ARHGAP18: variants seen among roughly 807,000 people sequenced by gnomAD.
The protein encoded by ARHGAP18 is Rho GTPase activating protein 18, also known as rho GTPase-activating protein 18.
A neutral mutation model predicts 86.2 loss-of-function variants in ARHGAP18; 67 were observed. The observed-to-expected ratio is 0.78, with a 90% CI of 0.64 to 0.95. The LOEUF is 0.95. Among genes scored for constraint, ARHGAP18 ranks in the 40% least tolerant of loss-of-function variants. ARHGAP18 has a pLI of 0.00. For missense variants in ARHGAP18, 691 were observed against 780.4 expected (o/e 0.89, Z 1.37); for synonymous variants, 283 against 280.4 (o/e 1.01, Z -0.09).
chr6:129,684,318 C>G (rs1774388034), intron 1 of ARHGAP18, among the ~76,000 whole-genome samples: 1 of 152,142 alleles, frequency 6.6e-6, no homozygotes. Flanking sequence ...GTGGGGAGAG[C>G]AACAGATTAA....
chr6:129,704,215 C>A (rs1584124578), intron 1 of ARHGAP18, among the ~76,000 whole-genome samples: 1 of 152,138 alleles, frequency 6.6e-6, no homozygotes, highest in South Asian at 2.1e-4. Context: ...GAGGGCGAGG[C>A]AGGCGGATCA....
chr6:129,642,973 A>G (rs1285107802), intron 1 of ARHGAP18, among the ~76,000 whole-genome samples: 2 of 152,136 alleles, frequency 1.3e-5, no homozygotes, highest in East Asian at 3.8e-4. Context: ...TTTCTCTCTC[A>G]GATATTATCT....
At position 129,600,748 on chromosome 6, in the gene ARHGAP18, C is replaced by T; in HGVS notation, c.1466G>A (p.Cys489Tyr). ...AMVMAPNLFM[C>Y]HALGLKSSEQ... ...ACTGGACTTCAATCCCAATGCATGACACATAAAGAGATTCGGGGCCATGAC... is the reference window on the plus strand; with the variant it reads ...ACTGGACTTCAATCCCAATGCATGATACATAAAGAGATTCGGGGCCATGAC... Residue 489 changes from cysteine to tyrosine, a missense_variant, in exon 11 of 15, where the codon TGT becomes TAT. Cys to Tyr is a radical substitution (Grantham distance 194). Coordinates refer to ENST00000368149, the MANE Select transcript of ARHGAP18 (RefSeq NM_033515.3). 6.2e-7 allele frequency: 1 copy of T among 1,613,756 alleles called. No individual in the cohort carries two copies. The highest frequency in any genetic ancestry group is 8.5e-7 in the Non-Finnish European group (1 of 1,179,806).
At position 129,580,666 on chromosome 6, in the gene ARHGAP18, C is replaced by T. The variant is rs181223969; in HGVS notation, c.1839-535G>A. ...CTTTGGGAGGCCAAAGCAGGTAGATCGCTTGAGCCCAGTCTGGGCAACATG... is the reference window on the plus strand; with the variant it reads ...CTTTGGGAGGCCAAAGCAGGTAGATTGCTTGAGCCCAGTCTGGGCAACATG... On this transcript the variant is annotated intron_variant, in intron 13 of 14. Coordinates refer to ENST00000368149, the MANE Select transcript of ARHGAP18 (RefSeq NM_033515.3). Among the ~76,000 whole-genome samples the T allele has an allele frequency of 1.8e-4, 28 of 152,188 alleles. No individual in the cohort carries two copies. The East Asian group carries it at 2.5e-3, about 14-fold the overall frequency.
intron 1 of ARHGAP18, among the ~76,000 whole-genome samples, chr6:129,696,501 T>G (rs1774619313): frequency 6.6e-6 from 1 of 152,248 alleles, no homozygotes; most frequent in African/African-American, 2.4e-5. Flanking sequence ...AAAAAAAGAC[T>G]GTATAATAAA....
chr6:129,654,573 G>T (rs1773787765), intron 1 of ARHGAP18, among the ~76,000 whole-genome samples: 1 of 152,156 alleles, frequency 6.6e-6, no homozygotes, highest in Non-Finnish European at 1.5e-5. Context: ...TCCCTGTGGG[G>T]ATCTGAAACA....
intron 1 of ARHGAP18, among the ~76,000 whole-genome samples, chr6:129,700,839 A>C (rs1050551029): frequency 1.1e-4 from 16 of 152,192 alleles, no homozygotes; most frequent in African/African-American, 3.4e-4. Context: ...TACATGAAAG[A>C]AGCAGGACTT....
intron 1 of ARHGAP18, among the ~76,000 whole-genome samples, chr6:129,678,865 C>T (rs1234643667): frequency 6.6e-6 from 1 of 152,174 alleles, no homozygotes; most frequent in Non-Finnish European, 1.5e-5. Flanking sequence ...CCATCTTGCT[C>T]ATGTGATCAT....
At chr6:129,708,625 A>G (rs1348829011) in intron 1 of ARHGAP18, among the ~76,000 whole-genome samples, 1 of 152,208 alleles carries the variant, frequency 6.6e-6, no homozygotes, top group Non-Finnish European at 1.5e-5. Flanking sequence ...ATCAAGATCC[A>G]AGATTCAGCT....
At chr6:129,666,049 C>T (rs977223738) in intron 1 of ARHGAP18, among the ~76,000 whole-genome samples, 16 of 151,822 alleles carry the variant, frequency 1.1e-4, no homozygotes, top group African/African-American at 3.9e-4. Flanking sequence ...AAAAAATTAA[C>T]TCTGATGAAA....
At chr6:129,634,255 T>A (rs989900752) in intron 3 of ARHGAP18, 150 bp from the exon 4 acceptor site, 6 of 603,010 alleles carry the variant, frequency 1.0e-5, no homozygotes, top group African/African-American at 1.8e-5. Context: ...AAGATAATAA[T>A]CAACAAGCAA....
At chr6:129,637,929 G>T (rs1773367605) in intron 3 of ARHGAP18, among the ~76,000 whole-genome samples, 2 of 152,182 alleles carry the variant, frequency 1.3e-5, no homozygotes, top group African/African-American at 4.8e-5. Context: ...ATGTCTCAAA[G>T]TTCCTGCTTT....
chr6:129,627,149 G>A (rs765265600), intron 5 of ARHGAP18, among the ~76,000 whole-genome samples: 6 of 152,082 alleles, frequency 3.9e-5, no homozygotes, highest in Admixed American at 3.3e-4. Context: ...AATTCCGTGA[G>A]TTAAGACTAT....
intron 1 of ARHGAP18, among the ~76,000 whole-genome samples, chr6:129,673,322 C>T (rs1424768799): frequency 7.0e-6 from 1 of 143,624 alleles, no homozygotes; most frequent in Non-Finnish European, 1.5e-5. Flanking sequence ...AAGCCATCTG[C>T]AGCTTGCTTC....
chr6:129,661,755 C>T (rs1303698475), intron 1 of ARHGAP18: 3 of 473,620 alleles, frequency 6.3e-6, no homozygotes, highest in Admixed American at 6.4e-5. Context: ...TCTCTAAACT[C>T]TCCCTTGACA....
rs1171987632 is a variant in ARHGAP18 at position 129,577,538 on chromosome 6, GC to G, written c.*974del. 2 of 151,570 alleles carry G rather than the reference GC, an allele frequency of 1.3e-5. No individual in the cohort carries two copies. The highest frequency in any genetic ancestry group is 1.3e-4 in the Admixed American group (2 of 15,222). 9.4% of individuals were successfully genotyped at this position (151,570 alleles called of 1,614,324 possible). On this transcript the variant is annotated 3_prime_UTR_variant, in exon 15 of 15. Transcript: ENST00000368149. The stretch of plus-strand genomic sequence containing the variant: ...ATTTAAAATAAGAACACAAACAAAA[GC>G]TTTTTCACCCAGAAGAATAATTCTT...
chr6:129,615,864 G>A (rs1789086942), intron 7 of ARHGAP18, among the ~76,000 whole-genome samples: 1 of 152,134 alleles, frequency 6.6e-6, no homozygotes, highest in Admixed American at 6.5e-5. Flanking sequence ...AAAAGCTGAG[G>A]AAATATACAC....
intron 1 of ARHGAP18, among the ~76,000 whole-genome samples, chr6:129,684,315 G>C (rs1774387979): frequency 6.6e-6 from 1 of 152,226 alleles, no homozygotes; most frequent in Non-Finnish European, 1.5e-5. Context: ...ACTGTGGGGA[G>C]AGCAACAGAT....
intron 1 of ARHGAP18, among the ~76,000 whole-genome samples, chr6:129,704,251 C>T (rs1286696007): frequency 2.0e-5 from 3 of 152,180 alleles, no homozygotes; most frequent in African/African-American, 4.8e-5. Flanking sequence ...TCAAGACCAG[C>T]CTGGCCAACA....
Sources: allele counts gnomAD v4.1 joint callset (sites outside exome capture counted in the v4.1 genomes callset), GRCh38; gene constraint gnomAD v4.1.1; transcripts MANE v1.5; gene names NCBI Gene and HGNC (gene_info 2026-07-23, HGNC 2026-07-21).